Variants in CADM1 observed in about 807,000 individuals in gnomAD.
CADM1 encodes cell adhesion molecule 1.
In CADM1, 15 loss-of-function variants were observed where a neutral mutation model predicts 53.1. That is an observed-to-expected ratio of 0.28 (90% CI 0.19 to 0.44). CADM1 has a LOEUF of 0.44. Ranked by LOEUF, CADM1 falls within the 20% of genes least tolerant of loss-of-function variation. The probability of loss-of-function intolerance (pLI) is 1.00; values close to 1 mark genes in which losing one functional copy is unlikely to be tolerated. For synonymous variants in CADM1, 281 were observed against 243.0 expected (o/e 1.16, Z -1.45); for missense variants, 434 against 611.3 (o/e 0.71, Z 3.06).
At position 115,176,468 on chromosome 11, in the gene CADM1, G is replaced by C. The variant is rs187836376; in HGVS notation, c.*6C>G. On this transcript the variant is annotated 3_prime_UTR_variant, in exon 12 of 12. Coordinates refer to ENST00000331581, the MANE Select transcript of CADM1 (RefSeq NM_001301043.2). ...TTGGACACCTCATTGAAACAAAAAG[G>C]CTGATCTAGATGAAGTACTCTTTCT... 1 of 1,613,704 alleles carries C rather than the reference G, an allele frequency of 6.2e-7. No individual in the cohort carries two copies. The highest frequency in any genetic ancestry group is 8.5e-7 in the Non-Finnish European group (1 of 1,179,746).
intron 1 of CADM1, among the ~76,000 whole-genome samples, chr11:115,356,546 T>G (rs1208697823): frequency 2.6e-5 from 4 of 152,070 alleles, no homozygotes; most frequent in African/African-American, 9.7e-5. Context: ...GGAATGTCAG[T>G]GAATGACAGG....
At chr11:115,211,704 T>G (rs1290078397) in intron 7 of CADM1, among the ~76,000 whole-genome samples, 2 of 151,492 alleles carry the variant, frequency 1.3e-5, no homozygotes, top group East Asian at 3.9e-4. Context: ...TTGGCCAGGC[T>G]GGTCTCAAAC....
At chr11:115,399,774 CTT>C (rs1400196677) in intron 1 of CADM1, among the ~76,000 whole-genome samples, 1 of 150,598 alleles carries the variant, frequency 6.6e-6, no homozygotes, top group Non-Finnish European at 1.5e-5. Flanking sequence ...GATAAAACAT[CTT>C]TAAAATTCAT....
intron 1 of CADM1, among the ~76,000 whole-genome samples, chr11:115,353,972 G>A (rs1433824336): frequency 6.6e-6 from 1 of 152,118 alleles, no homozygotes; most frequent in Non-Finnish European, 1.5e-5. Context: ...AAGCAGTGAT[G>A]GGCTGTTTTT....
intron 1 of CADM1, among the ~76,000 whole-genome samples, chr11:115,304,707 G>A (rs1295639243): frequency 2.0e-5 from 3 of 151,900 alleles, no homozygotes; most frequent in Admixed American, 6.6e-5. Context: ...TTAAAATTGT[G>A]TAAGATAAAA....
chr11:115,453,927 C>T (rs753742755), intron 1 of CADM1, among the ~76,000 whole-genome samples: 4 of 152,114 alleles, frequency 2.6e-5, no homozygotes, highest in Non-Finnish European at 5.9e-5. Flanking sequence ...AATGGATTCA[C>T]TTATAAGATA....
Position 115,214,696 on chromosome 11 carries a change from G to A in CADM1, c.906C>T (p.Asn302=). 1 of 1,613,926 alleles carries A rather than the reference G, an allele frequency of 6.2e-7. No homozygotes were observed. Among genetic ancestry groups the A allele is most frequent in the Non-Finnish European group, 8.5e-7 (1 of 1,179,896 alleles). ...VLSGPNLFIN[N]LNKTDNGTYR... is the part of the protein sequence containing the mutation. ...ATGTACCATTATCTGTTTTGTTTAG[G>A]TTATTGATGAACAGGTTGGGCCCAG... is the stretch of plus-strand genomic sequence containing the variant. The change falls in exon 7 of 12, where the codon AAC becomes AAT. Residue 302 remains asparagine (N), a synonymous_variant. Transcript: ENST00000331581.
chr11:115,380,568 C>G (rs746973061), intron 1 of CADM1, among the ~76,000 whole-genome samples: 1 of 152,142 alleles, frequency 6.6e-6, no homozygotes, highest in Non-Finnish European at 1.5e-5. Context: ...CTATTCTCTA[C>G]CACCAAAATA....
At position 115,190,426 on chromosome 11, in the gene CADM1, C is replaced by G. The variant is rs374463078; in HGVS notation, c.1165+462G>C. ...CCCTCCTCCCTGCCCTTCCCCACCCCTGACTTCTAAGATAACTACAACATG... is the reference window on the plus strand; with the variant it reads ...CCCTCCTCCCTGCCCTTCCCCACCCGTGACTTCTAAGATAACTACAACATG... On this transcript the variant is annotated intron_variant, in intron 10 of 11. Transcript: ENST00000331581. Among the ~76,000 whole-genome samples, 19 of 152,166 alleles carry G rather than the reference C, an allele frequency of 1.2e-4. No homozygotes were observed. The East Asian group carries it at 3.7e-3, about 29-fold the overall frequency.
intron 1 of CADM1, among the ~76,000 whole-genome samples, chr11:115,463,443 G>A (rs1037546985): frequency 5.9e-4 from 89 of 152,066 alleles, no homozygotes; most frequent in Admixed American, 2.0e-4. Flanking sequence ...TCAATTCAAA[G>A]CAAAAACTGA....
At chr11:115,443,278 C>A (rs937930650) in intron 1 of CADM1, among the ~76,000 whole-genome samples, 2 of 152,200 alleles carry the variant, frequency 1.3e-5, no homozygotes, top group Admixed American at 1.3e-4. Flanking sequence ...CCAAAACAAC[C>A]GATCTTCTGA....
chr11:115,476,628 T>C (rs1212407465), intron 1 of CADM1, among the ~76,000 whole-genome samples: 1 of 152,162 alleles, frequency 6.6e-6, no homozygotes, highest in African/African-American at 2.4e-5. Flanking sequence ...ACTAAGAAAA[T>C]GCAGACCTTA....
intron 1 of CADM1, among the ~76,000 whole-genome samples, chr11:115,410,884 T>C (rs1453215368): frequency 6.6e-6 from 1 of 152,268 alleles, no homozygotes; most frequent in Admixed American, 6.5e-5. Context: ...GTATTTGATA[T>C]AGCCACAGTA....
At position 115,189,832 on chromosome 11, in the gene CADM1, C is replaced by T. The variant is rs187571852; in HGVS notation, c.1165+1056G>A. On this transcript the variant is annotated intron_variant, in intron 10 of 11. Transcript: ENST00000331581. ...CTTCCAGTCTGTAGAAAAATAAATC[C>T]GACAGCTAAACTCAAACTACAGGCT... Among the ~76,000 whole-genome samples, 63 of 152,178 alleles carry T rather than the reference C, an allele frequency of 4.1e-4. No homozygotes were observed. In the South Asian group the frequency reaches 4.1e-3, roughly 10 times the overall value.
rs1431773754 is a variant in CADM1, at chr11:115,416,728, CACACACAGAT to C, written c.124+87533_124+87542del. Among the ~76,000 whole-genome samples, 30 of 151,460 alleles carry C rather than the reference CACACACAGAT, an allele frequency of 2.0e-4. 1 individual carries two copies. Among genetic ancestry groups the C allele is most frequent in the African/African-American group, 7.0e-4 (29 of 41,362 alleles). On this transcript the variant is annotated intron_variant, in intron 1 of 11. Coordinates refer to ENST00000331581, the MANE Select transcript of CADM1 (RefSeq NM_001301043.2). ...ACACACACACACACACACACACACA[CACACACAGAT>C]AGATATTGTACTCACAGTGTAAAAA...
Position 115,400,661 on chromosome 11 carries a change from G to GTGTATA in CADM1, c.124+103609_124+103610insTATACA, listed in dbSNP as rs1295332849. 2.0e-3 allele frequency among the ~76,000 whole-genome samples: 92 copies of GTGTATA among 46,372 alleles called. 1 individual carries two copies. Among genetic ancestry groups the GTGTATA allele is most frequent in the Non-Finnish European group, 2.8e-3 (64 of 22,692 alleles). 30.4% of individuals were successfully genotyped at this position (46,372 alleles called of 152,430 possible). A position where few individuals can be genotyped will look rare whatever the true frequency, so the allele number is the denominator to read the frequency against. ...TATATGTGTGTGTGTGTGTGTGTGT[G>GTGTATA]TATATATATATATATATATATATAT... On this transcript the variant is annotated intron_variant, in intron 1 of 11. Coordinates refer to ENST00000331581, the MANE Select transcript of CADM1 (RefSeq NM_001301043.2).
rs535764109 is a variant in CADM1, at chr11:115,211,148, G to A, written c.995-1491C>T. On this transcript the variant is annotated intron_variant, in intron 7 of 11. Coordinates refer to ENST00000331581, the MANE Select transcript of CADM1 (RefSeq NM_001301043.2). ...TGAGAAATACGGTGATTCAGGCCAT[G>A]TGTTCAGTCTTGCTCCTTCACACTT... 4.8e-4 allele frequency among the ~76,000 whole-genome samples: 73 copies of A among 152,012 alleles called. No homozygotes were observed. The South Asian group carries it at 7.1e-3, about 15-fold the overall frequency.
At chr11:115,309,086 C>T (rs554211655) in intron 1 of CADM1, among the ~76,000 whole-genome samples, 41 of 152,112 alleles carry the variant, frequency 2.7e-4, no homozygotes, top group South Asian at 1.9e-3. Flanking sequence ...TTTGGGGTTT[C>T]AATTTTCTTT....
chr11:115,456,368 T>C (rs140325501), intron 1 of CADM1, among the ~76,000 whole-genome samples: 1 of 152,186 alleles, frequency 6.6e-6, no homozygotes, highest in Non-Finnish European at 1.5e-5. Flanking sequence ...TCTACATACT[T>C]GATAGGGTCA....
Sources: gnomAD v4.1 joint callset for allele counts (sites outside exome capture counted in the v4.1 genomes callset) on GRCh38, gnomAD v4.1.1 for gene constraint, MANE v1.5 for transcripts, NCBI Gene and HGNC (gene_info 2026-07-23, HGNC 2026-07-21) for gene names.